MTDH: variants seen among roughly 807,000 people sequenced by gnomAD.
The protein encoded by MTDH is metadherin.
MTDH carries 34 observed loss-of-function variants against 72.7 expected under a neutral mutation model. That is an observed-to-expected ratio of 0.47 (90% CI 0.36 to 0.62). The LOEUF (loss-of-function observed/expected upper bound fraction) is 0.62, where lower values mean the gene tolerates loss of function less well. MTDH is among the 20% of genes least tolerant of loss of function. The probability of loss-of-function intolerance (pLI) is 0.00; values close to 1 mark genes in which losing one functional copy is unlikely to be tolerated. For synonymous variants in MTDH, 266 were observed against 268.9 expected (o/e 0.99, Z 0.10); for missense variants, 677 against 699.4 (o/e 0.97, Z 0.36).
chr8:97,667,479 G>A (rs1451322149), intron 2 of MTDH, among the ~76,000 whole-genome samples: 1 of 152,136 alleles, frequency 6.6e-6, no homozygotes, highest in Admixed American at 6.6e-5. Context: ...TTGTCTTGAG[G>A]AAAAACACTT....
chr8:97,713,634 T>G, intron 8 of MTDH, 28 bp from the exon 9 acceptor site: 1 of 1,324,580 alleles, frequency 7.5e-7, no homozygotes, highest in Non-Finnish European at 1.1e-6. Context: ...CATTTGGTTC[T>G]CTTTAATATT....
chr8:97,720,103 G>A (rs1316767057), intron 10 of MTDH, among the ~76,000 whole-genome samples: 1 of 152,006 alleles, frequency 6.6e-6, no homozygotes, highest in Non-Finnish European at 1.5e-5. Context: ...TGGCCAAGAT[G>A]GTGAAACCCT....
intron 6 of MTDH, 91 bp from the exon 7 acceptor site, chr8:97,699,663 A>G (rs1814021430): frequency 2.6e-6 from 2 of 764,522 alleles, no homozygotes; most frequent in Admixed American, 2.6e-5. Flanking sequence ...TTTTAAAAAT[A>G]AAGTCTCCGT....
At position 97,644,309 on chromosome 8, in the gene MTDH, G is replaced by A. The variant is rs1253043120; in HGVS notation, c.-198G>A. The A allele has an allele frequency of 1.5e-6, 1 of 646,800 alleles. No individual in the cohort carries two copies. Among genetic ancestry groups the A allele is most frequent in the East Asian group, 3.4e-5 (1 of 29,506 alleles). 40.1% of individuals were successfully genotyped at this position (646,800 alleles called of 1,614,324 possible). ...GGTCTCCTGGCGGCGGCGGAGTGAG[G>A]CTGACAGCGGGGAACCTGGGAGACC... is the stretch of plus-strand genomic sequence containing the variant. On this transcript the variant is annotated 5_prime_UTR_variant, in exon 1 of 12. Coordinates refer to ENST00000336273, the MANE Select transcript of MTDH (RefSeq NM_178812.4).
At chr8:97,722,726 G>A (rs1354606064) in intron 10 of MTDH, among the ~76,000 whole-genome samples, 153 bp from the exon 11 acceptor site, 1 of 152,188 alleles carries the variant, frequency 6.6e-6, no homozygotes, top group Non-Finnish European at 1.5e-5. Context: ...TGATTTGGCT[G>A]TATCACTAGA....
chr8:97,696,810 T>G (rs959742424), intron 6 of MTDH, among the ~76,000 whole-genome samples: 1 of 151,960 alleles, frequency 6.6e-6, no homozygotes, highest in Non-Finnish European at 1.5e-5. Flanking sequence ...CTACATGTAT[T>G]TAACAAATAT....
chr8:97,671,507 G>C (rs918649971), intron 2 of MTDH, among the ~76,000 whole-genome samples: 1 of 151,712 alleles, frequency 6.6e-6, no homozygotes, highest in African/African-American at 2.4e-5. Context: ...TGATTATTTT[G>C]TTATAAATTA....
chr8:97,703,234 C>T (rs894603507), intron 7 of MTDH, among the ~76,000 whole-genome samples: 1 of 152,182 alleles, frequency 6.6e-6, no homozygotes, highest in African/African-American at 2.4e-5. Context: ...GTTCGCATGC[C>T]TGTAGTCCCA....
intron 7 of MTDH, 88 bp from the exon 8 acceptor site, chr8:97,706,538 G>A: frequency 7.9e-7 from 1 of 1,268,880 alleles, no homozygotes; most frequent in Non-Finnish European, 1.1e-6. Context: ...TAAAATTACA[G>A]CTTAGTTGAA....
chr8:97,683,127 C>T (rs1813208478), intron 2 of MTDH, among the ~76,000 whole-genome samples: 1 of 123,152 alleles, frequency 8.1e-6, no homozygotes, highest in South Asian at 2.8e-4. Flanking sequence ...TGCAGTGGAG[C>T]GATCTCAGCT....
chr8:97,673,979 A>C (rs1447532065), intron 2 of MTDH, among the ~76,000 whole-genome samples: 1 of 151,974 alleles, frequency 6.6e-6, no homozygotes, highest in African/African-American at 2.4e-5. Context: ...TATCTCAAAA[A>C]TCAGTTAATC....
chr8:97,701,031 G>C (rs942028888), intron 7 of MTDH, among the ~76,000 whole-genome samples: 1 of 152,202 alleles, frequency 6.6e-6, no homozygotes, highest in Non-Finnish European at 1.5e-5. Context: ...AGCTTAGACA[G>C]TAGATACGAA....
At chr8:97,716,621 A>G (rs1814882318) in intron 9 of MTDH, among the ~76,000 whole-genome samples, 1 of 152,102 alleles carries the variant, frequency 6.6e-6, no homozygotes, top group South Asian at 2.1e-4. Flanking sequence ...CAGTGAGCCA[A>G]GATTGTGCCA....
Position 97,644,672 on chromosome 8 carries a change from A to G in MTDH, c.166A>G (p.Thr56Ala), listed in dbSNP as rs775243113. 4 of 1,606,100 alleles carry G rather than the reference A, an allele frequency of 2.5e-6. No homozygotes were observed. The highest frequency in any genetic ancestry group is 2.5e-6 in the Non-Finnish European group (3 of 1,177,854). Residue 56 changes from threonine (T) to alanine (A), a missense_variant, in exon 1 of 12, where the codon ACT becomes GCT. Physicochemically the swap from Thr to Ala is moderately conservative, Grantham distance 58. Coordinates refer to ENST00000336273, the MANE Select transcript of MTDH (RefSeq NM_178812.4). ...RYPGWVILVG[T>A]GALGLLLLFL... Reference sequence around the variant, plus strand: ...CCCCGGCTGGGTGATCCTGGTGGGCACTGGCGCGCTCGGGCTGCTGCTGCT... The same window carrying G: ...CCCCGGCTGGGTGATCCTGGTGGGCGCTGGCGCGCTCGGGCTGCTGCTGCT...
chr8:97,676,998 C>CGAA (rs1190740622), intron 2 of MTDH, among the ~76,000 whole-genome samples: 22 of 7,144 alleles, frequency 3.1e-3, no homozygotes, highest in Non-Finnish European at 6.9e-3. Context: ...GAGTGAGACT[C>CGAA]TATCTCAAAA....
At chr8:97,721,251 G>C (rs1014599450) in intron 10 of MTDH, among the ~76,000 whole-genome samples, 1 of 151,924 alleles carries the variant, frequency 6.6e-6, no homozygotes, top group African/African-American at 2.4e-5. Flanking sequence ...AGACCAGCTG[G>C]GCAGAATGAT....
At chr8:97,714,493 A>G (rs1167116087) in intron 9 of MTDH, among the ~76,000 whole-genome samples, 1 of 151,888 alleles carries the variant, frequency 6.6e-6, no homozygotes. Flanking sequence ...AGCCCCAGCT[A>G]CTGGGGAAGC....
intron 6 of MTDH, among the ~76,000 whole-genome samples, chr8:97,697,150 A>ATATTTTTTT: frequency 2.2e-4 from 15 of 68,786 alleles, no homozygotes; most frequent in African/African-American, 1.3e-3. Flanking sequence ...ATATATATAT[A>ATATTTTTTT]TTTTTTTTTT....
chr8:97,724,615 G>A lies in MTDH; in HGVS notation c.1694G>A (p.Ser565Asn). 6.3e-7 allele frequency: 1 copy of A among 1,587,344 alleles called. No individual in the cohort carries two copies. The highest frequency in any genetic ancestry group is 8.5e-7 in the Non-Finnish European group (1 of 1,173,566). Residue 565 changes from serine (S) to asparagine (N), a missense_variant, in exon 12 of 12, where the codon AGC becomes AAC. By Grantham distance (46) the Ser-to-Asn change is conservative (BLOSUM62 1). This residue lies in a region of MTDH where 201 missense variants were observed against 204.5 expected (regional missense o/e 0.98). Transcript: ENST00000336273. ...TCTTTTTTAGCCAAGTCTGAAACTA[G>A]CTGGGAATCTCCCAAACAAATAAAA... is the stretch of plus-strand genomic sequence containing the variant. ...VPPSQTKSET[S>N]WESPKQIKKK...
Sources: allele counts gnomAD v4.1 joint callset (sites outside exome capture counted in the v4.1 genomes callset), GRCh38; gene constraint gnomAD v4.1.1; regional missense constraint gnomAD v4.1.1; transcripts MANE v1.5; gene names NCBI Gene and HGNC (gene_info 2026-07-23, HGNC 2026-07-21).